SYT16: variants seen among roughly 807,000 people sequenced by gnomAD.
SYT16 encodes synaptotagmin-16.
A neutral mutation model predicts 61.4 loss-of-function variants in SYT16; 42 were observed. The observed-to-expected ratio is 0.68, with a 90% CI of 0.53 to 0.89. SYT16 has a LOEUF of 0.89. Ranked by LOEUF, SYT16 falls within the 40% of genes least tolerant of loss-of-function variation. The pLI, the probability that SYT16 is intolerant of heterozygous loss-of-function variation, is 0.00. For missense variants in SYT16, 804 were observed against 807.3 expected (o/e 1.00, Z 0.05); for synonymous variants, 314 against 302.3 (o/e 1.04, Z -0.40).
chr14:62,052,347 G>A (rs1400388594), intron 3 of SYT16, among the ~76,000 whole-genome samples: 1 of 152,090 alleles, frequency 6.6e-6, no homozygotes, highest in Non-Finnish European at 1.5e-5. Context: ...ATTTAAAAAT[G>A]TGGTTTCTGG....
intron 3 of SYT16, among the ~76,000 whole-genome samples, chr14:62,064,755 C>G (rs1284638332): frequency 2.6e-5 from 4 of 152,076 alleles, no homozygotes; most frequent in African/African-American, 9.7e-5. Flanking sequence ...GCCTTAGTTT[C>G]TTCATTCATA....
intron 3 of SYT16, among the ~76,000 whole-genome samples, chr14:62,068,437 A>G (rs1330072147): frequency 2.6e-5 from 4 of 152,204 alleles, no homozygotes; most frequent in Admixed American, 2.6e-4. Flanking sequence ...AGGAGTAGGG[A>G]TGCATGTCAA....
intron 1 of SYT16, among the ~76,000 whole-genome samples, chr14:61,935,838 A>T (rs1380822722): frequency 2.0e-5 from 3 of 152,256 alleles, no homozygotes; most frequent in African/African-American, 7.2e-5. Context: ...ATCATTAAAT[A>T]AGAACATATG....
chr14:61,949,613 C>T (rs544400279), intron 1 of SYT16, among the ~76,000 whole-genome samples: 72 of 152,210 alleles, frequency 4.7e-4, no homozygotes, highest in Middle Eastern at 3.4e-3. Flanking sequence ...CTCACCACAC[C>T]GCACTGGGCT....
intron 7 of SYT16, among the ~76,000 whole-genome samples, chr14:62,091,129 C>T (rs1041791306): frequency 1.2e-4 from 18 of 152,066 alleles, no homozygotes; most frequent in African/African-American, 4.3e-4. Context: ...GTTAAAAAAC[C>T]CAGTTACCTA....
rs144331240 is a variant in SYT16 at position 61,880,906 on chromosome 14, C to G, written c.-325+68096C>G. ...GGTTTTTGTTTTCTTTTTTCTAATC[C>G]TTCTACTTTTAAACAACTTGATTGA... On this transcript the variant is annotated intron_variant, in intron 1 of 7. Transcript: ENST00000683842. Among the ~76,000 whole-genome samples, 26 of 151,796 alleles carry G rather than the reference C, an allele frequency of 1.7e-4. No individual in the cohort carries two copies. The East Asian group carries it at 5.0e-3, about 29-fold the overall frequency.
intron 1 of SYT16, among the ~76,000 whole-genome samples, chr14:61,849,239 G>A: frequency 6.6e-6 from 1 of 152,158 alleles, no homozygotes. Flanking sequence ...GCAGAAGGAA[G>A]GAGTCTTTTT....
At chr14:62,003,378 T>A (rs1476425362) in intron 3 of SYT16, among the ~76,000 whole-genome samples, 22 of 151,954 alleles carry the variant, frequency 1.4e-4, no homozygotes, top group Admixed American at 1.4e-3. Context: ...GTTCTGTACT[T>A]CTGTGCTAGT....
chr14:62,068,826 C>T (rs2056171814), intron 3 of SYT16, among the ~76,000 whole-genome samples: 1 of 152,082 alleles, frequency 6.6e-6, no homozygotes, highest in Admixed American at 6.6e-5. Context: ...GACAGTGTCT[C>T]ACTCTGTCAC....
chr14:61,979,370 C>T (rs762634852), intron 2 of SYT16, among the ~76,000 whole-genome samples: 2 of 152,070 alleles, frequency 1.3e-5, no homozygotes, highest in Admixed American at 1.3e-4. Context: ...AATGTAAAAT[C>T]AGCATAATCT....
intron 1 of SYT16, chr14:61,865,361 G>T: frequency 1.5e-6 from 1 of 656,246 alleles, no homozygotes. Flanking sequence ...GGGAAACAGG[G>T]CACACAAGAA....
At chr14:61,981,349 A>G (rs1052603744) in intron 2 of SYT16, among the ~76,000 whole-genome samples, 4 of 152,198 alleles carry the variant, frequency 2.6e-5, no homozygotes, top group Non-Finnish European at 5.9e-5. Context: ...TCATCATAGA[A>G]TCTTACCTTT....
intron 6 of SYT16, 111 bp from the exon 7 acceptor site, chr14:62,084,085 T>C: frequency 7.6e-7 from 1 of 1,320,754 alleles, no homozygotes. Context: ...TAGTCATCTT[T>C]GGCAGTCATT....
intron 7 of SYT16, among the ~76,000 whole-genome samples, chr14:62,084,994 G>A (rs2056838272): frequency 6.6e-6 from 1 of 152,200 alleles, no homozygotes; most frequent in African/African-American, 2.4e-5. Flanking sequence ...AGTAAAGGAG[G>A]CAGATCTGGG....
intron 3 of SYT16, among the ~76,000 whole-genome samples, chr14:62,059,682 TTATATATATG>T (rs2055732155): frequency 6.8e-6 from 1 of 147,460 alleles, no homozygotes; most frequent in Non-Finnish European, 1.5e-5. Context: ...TATATATAAT[TTATATATATG>T]TATATATATA....
At chr14:61,849,944 C>T (rs907524271) in intron 1 of SYT16, among the ~76,000 whole-genome samples, 2 of 152,032 alleles carry the variant, frequency 1.3e-5, no homozygotes, top group African/African-American at 4.8e-5. Flanking sequence ...ATTTATTTTT[C>T]TCTTGGTAGA....
At chr14:61,938,899 C>A (rs560088363) in intron 1 of SYT16, among the ~76,000 whole-genome samples, 47 of 152,296 alleles carry the variant, frequency 3.1e-4, no homozygotes, top group Admixed American at 8.5e-4. Flanking sequence ...CTTTGGGAGG[C>A]CAAGGCGGGC....
chr14:61,919,258 T>C (rs1429854555), intron 1 of SYT16, among the ~76,000 whole-genome samples: 3 of 152,226 alleles, frequency 2.0e-5, no homozygotes, highest in Non-Finnish European at 4.4e-5. Context: ...GTCCTCTGCA[T>C]GAACGCAACA....
chr14:61,899,012 G>C (rs771161401), intron 1 of SYT16, among the ~76,000 whole-genome samples: 4 of 152,158 alleles, frequency 2.6e-5, no homozygotes, highest in Non-Finnish European at 5.9e-5. Context: ...TATGTTTCTT[G>C]TACACTGGAA....
Sources: gnomAD v4.1 joint callset for allele counts (sites outside exome capture counted in the v4.1 genomes callset) on GRCh38, gnomAD v4.1.1 for gene constraint, MANE v1.5 for transcripts, NCBI Gene and HGNC (gene_info 2026-07-23, HGNC 2026-07-21) for gene names.